PTPRD: variants seen among roughly 807,000 people sequenced by gnomAD.
The protein encoded by PTPRD is protein tyrosine phosphatase receptor type D.
Under a neutral mutation model 214.5 loss-of-function variants are expected in PTPRD, and 34 were observed. That is an observed-to-expected ratio of 0.16 (90% CI 0.12 to 0.21). PTPRD has a LOEUF of 0.21. PTPRD is among the 10% of genes least tolerant of loss of function. The pLI, the probability that PTPRD is intolerant of heterozygous loss-of-function variation, is 1.00. For synonymous variants in PTPRD, 1,128 were observed against 845.7 expected (o/e 1.33, Z -5.79); for missense variants, 2,545 against 2,398.7 (o/e 1.06, Z -1.27).
chr9:8,422,344 G>C (rs752102625), intron 35 of PTPRD, among the ~76,000 whole-genome samples: 27 of 151,814 alleles, frequency 1.8e-4, no homozygotes, highest in Non-Finnish European at 2.9e-4. Context: ...TTCTCACATA[G>C]AAAAACAAAC....
intron 39 of PTPRD, among the ~76,000 whole-genome samples, chr9:8,374,961 A>G (rs889525959): frequency 6.6e-6 from 1 of 151,862 alleles, no homozygotes; most frequent in Admixed American, 6.6e-5. Flanking sequence ...ATAGTATAAT[A>G]TGGGGTATGA....
chr9:9,799,117 G>T (rs894558196), intron 5 of PTPRD, among the ~76,000 whole-genome samples: 1 of 152,004 alleles, frequency 6.6e-6, no homozygotes, highest in Non-Finnish European at 1.5e-5. Context: ...TGACCAGAAG[G>T]TTCCCTCCAA....
chr9:10,224,541 G>C (rs1449439559), intron 3 of PTPRD, among the ~76,000 whole-genome samples: 1 of 151,822 alleles, frequency 6.6e-6, no homozygotes, highest in African/African-American at 2.4e-5. Context: ...AACACTTAAG[G>C]TATTGTTGAA....
rs550824027 is a variant in PTPRD, at chr9:8,404,547, T to A, written c.4200A>T (p.Ser1400=). Residue 1400 remains serine (S), a synonymous_variant, in exon 36 of 46, where the codon TCA becomes TCT. Coordinates refer to ENST00000381196, the MANE Select transcript of PTPRD (RefSeq NM_002839.4). Reference sequence around the variant, plus strand: ...TCTGCATTTCCTTACCTTCTATAGCTGATAGGAGAACCCGGGAATGATCAT... The same window carrying A: ...TCTGCATTTCCTTACCTTCTATAGCAGATAGGAGAACCCGGGAATGATCAT... ...IAYDHSRVLL[S]AIEGIPGSDY... The A allele has an allele frequency of 1.9e-5, 31 of 1,612,502 alleles. No homozygotes were observed. The highest frequency in any genetic ancestry group is 1.5e-4 in the Admixed American group (9 of 59,996).
At chr9:10,593,999 A>C (rs151136894) in intron 2 of PTPRD, among the ~76,000 whole-genome samples, 121 of 152,090 alleles carry the variant, frequency 8.0e-4, no homozygotes, top group African/African-American at 2.7e-3. Context: ...TTAAGTTATT[A>C]AAACGGGAAG....
chr9:10,182,482 C>G (rs2099303683), intron 3 of PTPRD, among the ~76,000 whole-genome samples: 1 of 151,824 alleles, frequency 6.6e-6, no homozygotes, highest in Non-Finnish European at 1.5e-5. Flanking sequence ...GTATAACAAT[C>G]ATAATAACAA....
chr9:8,892,225 G>A (rs2098545639), intron 11 of PTPRD, among the ~76,000 whole-genome samples: 2 of 152,130 alleles, frequency 1.3e-5, no homozygotes, highest in South Asian at 4.1e-4. Context: ...TCAGACCAGT[G>A]TAGAACTCCT....
At chr9:10,497,948 G>A (rs2042575318) in intron 2 of PTPRD, among the ~76,000 whole-genome samples, 1 of 151,912 alleles carries the variant, frequency 6.6e-6, no homozygotes, top group Non-Finnish European at 1.5e-5. Flanking sequence ...TAGTCTGTTG[G>A]TTAATAGCTG....
rs78420441 is a variant in PTPRD, at chr9:8,337,451, G to C, written c.5379+1471C>G. 9.2e-5 allele frequency among the ~76,000 whole-genome samples: 14 copies of C among 151,392 alleles called. No individual in the cohort carries two copies. The East Asian group carries it at 2.5e-3, about 27-fold the overall frequency. On this transcript the variant is annotated intron_variant, in intron 43 of 45. Coordinates refer to ENST00000381196, the MANE Select transcript of PTPRD (RefSeq NM_002839.4). ...AACATCACACACTGGGGCCTGTTGC[G>C]GGTTTGGAGTCTAGGGGAACGATAG...
intron 7 of PTPRD, among the ~76,000 whole-genome samples, chr9:9,617,765 G>T (rs2094969263): frequency 6.6e-6 from 1 of 151,950 alleles, no homozygotes; most frequent in Non-Finnish European, 1.5e-5. Flanking sequence ...TTTTTATCTT[G>T]ACTTTTTTTA....
intron 3 of PTPRD, among the ~76,000 whole-genome samples, chr9:10,181,664 C>G (rs2099288870): frequency 6.6e-6 from 1 of 151,458 alleles, no homozygotes; most frequent in South Asian, 2.1e-4. Context: ...CATTGTACTT[C>G]TGCAGTTACT....
chr9:9,253,147 T>G lies in PTPRD; in HGVS notation c.-202-69784A>C, dbSNP rs552461805. Among the ~76,000 whole-genome samples, 16 of 152,214 alleles carry G rather than the reference T, an allele frequency of 1.1e-4. No individual in the cohort carries two copies. In the South Asian group the frequency reaches 3.3e-3, roughly 32 times the overall value. ...CATCCCAGAATTCAGTCTTCTTATC[T>G]CTATTTTTGAAGTACCTACTGACAT... On this transcript the variant is annotated intron_variant, in intron 9 of 45. Transcript: ENST00000381196.
At chr9:10,181,446 T>G (rs2099285276) in intron 3 of PTPRD, among the ~76,000 whole-genome samples, 1 of 152,144 alleles carries the variant, frequency 6.6e-6, no homozygotes, top group South Asian at 2.1e-4. Flanking sequence ...TCTAAATTCA[T>G]TTATCTCTTA....
intron 44 of PTPRD, among the ~76,000 whole-genome samples, chr9:8,326,596 G>A (rs1320821666): frequency 6.6e-6 from 1 of 151,528 alleles, no homozygotes; most frequent in Non-Finnish European, 1.5e-5. Flanking sequence ...AATGAGTTAG[G>A]AAGGAGTCCC....
intron 3 of PTPRD, among the ~76,000 whole-genome samples, chr9:10,132,430 C>T (rs1374441190): frequency 6.6e-6 from 1 of 151,764 alleles, no homozygotes; most frequent in East Asian, 1.9e-4. Flanking sequence ...CAAACACCTG[C>T]CATATGATGA....
intron 8 of PTPRD, among the ~76,000 whole-genome samples, chr9:9,410,398 G>A (rs1420589977): frequency 6.6e-6 from 1 of 152,150 alleles, no homozygotes; most frequent in South Asian, 2.1e-4. Flanking sequence ...TTGTGTCATT[G>A]CCATTCATAT....
chr9:9,926,131 A>C (rs1311388894), intron 5 of PTPRD, among the ~76,000 whole-genome samples: 2 of 152,100 alleles, frequency 1.3e-5, no homozygotes, highest in African/African-American at 2.4e-5. Flanking sequence ...CACCTGGCCA[A>C]CTTCTCTTAT....
At chr9:8,643,725 C>G (rs186666897) in intron 12 of PTPRD, among the ~76,000 whole-genome samples, 1 of 152,374 alleles carries the variant, frequency 6.6e-6, no homozygotes, top group African/African-American at 2.4e-5. Flanking sequence ...AGACACCAGC[C>G]CCTTGCTGCC....
intron 10 of PTPRD, among the ~76,000 whole-genome samples, chr9:9,019,346 A>G (rs1430197323): frequency 7.4e-6 from 1 of 134,316 alleles, no homozygotes; most frequent in African/African-American, 2.8e-5. Flanking sequence ...GAACGAAAGA[A>G]AGAAAGAAAG....
Sources: gnomAD v4.1 joint callset for allele counts (sites outside exome capture counted in the v4.1 genomes callset) on GRCh38, gnomAD v4.1.1 for gene constraint, MANE v1.5 for transcripts, NCBI Gene and HGNC (gene_info 2026-07-23, HGNC 2026-07-21) for gene names.